FGB: variants seen among roughly 807,000 people sequenced by gnomAD.
FGB encodes fibrinogen beta chain, also known as beta-fibrinogen.
FGB carries 25 observed loss-of-function variants against 57.9 expected under a neutral mutation model. That is an observed-to-expected ratio of 0.43 (90% confidence interval 0.31 to 0.60). The LOEUF is 0.60. Among genes scored for constraint, FGB ranks in the 20% least tolerant of loss-of-function variants. The pLI, the probability that FGB is intolerant of heterozygous loss-of-function variation, is 0.08. For synonymous variants in FGB, 203 were observed against 199.2 expected (o/e 1.02, Z -0.16); for missense variants, 536 against 598.4 (o/e 0.90, Z 1.09).
Position 154,570,384 on chromosome 4 carries a change from C to T in FGB, c.1245-35C>T, listed in dbSNP as rs369092527. On this transcript the variant is annotated intron_variant, in intron 7 of 7. Coordinates refer to ENST00000302068, the MANE Select transcript of FGB (RefSeq NM_005141.5). ...AAAACGTAACTTGACCACCGTAGTT[C>T]TGTTTCTAATAACGCCAAACACATT... 29 of 1,537,060 alleles carry T rather than the reference C, an allele frequency of 1.9e-5. No homozygotes were observed. In the African/African-American group the frequency reaches 3.7e-4, roughly 19 times the overall value.
rs6058 is a variant in FGB, at chr4:154,569,192, G to T, written c.843G>T (p.Val281=). 3.8e-3 allele frequency: 6,118 copies of T among 1,614,090 alleles called. 180 individuals carry two copies. The African/African-American group carries it at 0.069, about 18-fold the overall frequency. The stretch of plus-strand genomic sequence containing the variant: ...TTCTGTCAACCAAAGGATGGACAGT[G>T]ATTCAGAACCGTCAAGACGGTAGTG... ...DMNTENGGWT[V]IQNRQDGSVD... The change falls in exon 6 of 8, where the codon GTG becomes GTT. Residue 281 remains valine, a synonymous_variant. Transcript: ENST00000302068.
chr4:154,570,683 G>A lies in FGB; in HGVS notation c.*33G>A. ...TACGTAGATTTTTGCTCTTCTGTAT[G>A]TGACAACATTTTTGTACATTATGTT... is the stretch of plus-strand genomic sequence containing the variant. On this transcript the variant is annotated 3_prime_UTR_variant, in exon 8 of 8. Transcript: ENST00000302068. 6.6e-6 allele frequency: 10 copies of A among 1,514,990 alleles called. No individual in the cohort carries two copies. The highest frequency in any genetic ancestry group is 2.3e-5 in the East Asian group (1 of 44,338). The allele number at this position is 1,514,990 out of a possible 1,614,324, so 93.8% of individuals were successfully genotyped here. A position where few individuals can be genotyped will look rare whatever the true frequency, so the allele number is the denominator to read the frequency against.
rs751143215 is a variant in FGB, at chr4:154,566,525, G to C, written c.343G>C (p.Ala115Pro). 8.7e-6 allele frequency: 14 copies of C among 1,614,114 alleles called. No individual in the cohort carries two copies. Among genetic ancestry groups the C allele is most frequent in the Non-Finnish European group, 1.2e-5 (14 of 1,180,008 alleles). The change falls in exon 3 of 8, where the codon GCT becomes CCT. Residue 115 changes from alanine to proline, a missense_variant. By Grantham distance (27) the Ala-to-Pro change is conservative. Coordinates refer to ENST00000302068, the MANE Select transcript of FGB (RefSeq NM_005141.5). ...LCPTGCQLQE[A>P]LLQQERPIRN... ...TCCTACAGGATGTCAGTTGCAAGAG[G>C]CTTTGCTACAACAGGAAAGGCCAAT...
intron 5 of FGB, among the ~76,000 whole-genome samples, chr4:154,568,846 G>C (rs1469682162): frequency 2.0e-5 from 3 of 147,500 alleles, no homozygotes; most frequent in Non-Finnish European, 3.0e-5. Flanking sequence ...AGGATAGTGA[G>C]ATCCTGTCTC....
intron 2 of FGB, among the ~76,000 whole-genome samples, chr4:154,566,280 T>A (rs1730156023): frequency 6.6e-6 from 1 of 152,228 alleles, no homozygotes; most frequent in Non-Finnish European, 1.5e-5. Flanking sequence ...AAAATTTTCA[T>A]AGCCCAATTA....
At chr4:154,564,879 T>C (rs1730091244) in intron 1 of FGB, among the ~76,000 whole-genome samples, 2 of 152,304 alleles carry the variant, frequency 1.3e-5, no homozygotes, top group Non-Finnish European at 2.9e-5. Flanking sequence ...TTAATTACAA[T>C]GCACAAGCCT....
intron 4 of FGB, among the ~76,000 whole-genome samples, 156 bp from the exon 5 acceptor site, chr4:154,568,225 G>T (rs181620233): frequency 1.1e-3 from 162 of 152,222 alleles, no homozygotes; most frequent in African/African-American, 3.6e-3. Flanking sequence ...ACTTACTAAA[G>T]TAAAATGAAA....
At position 154,572,473 on chromosome 4, in the gene FGB, C is replaced by G. The variant is rs1378737365; in HGVS notation, c.*1823C>G. Among the ~76,000 whole-genome samples, 3 of 152,170 alleles carry G rather than the reference C, an allele frequency of 2.0e-5. No individual in the cohort carries two copies. Among genetic ancestry groups the G allele is most frequent in the Non-Finnish European group, 4.4e-5 (3 of 68,028 alleles). On this transcript the variant is annotated 3_prime_UTR_variant, in exon 8 of 8. Transcript: ENST00000302068. ...TTATATAACATTTCTACTTAGCACT[C>G]TCCACTTAGCAACCTCCATTTAACC... is the stretch of plus-strand genomic sequence containing the variant.
At chr4:154,568,152 C>G (rs961435156) in intron 4 of FGB, among the ~76,000 whole-genome samples, 1 of 152,098 alleles carries the variant, frequency 6.6e-6, no homozygotes, top group Non-Finnish European at 1.5e-5. Flanking sequence ...TTCCAGGACA[C>G]AAAAGGTGGA....
intron 3 of FGB, among the ~76,000 whole-genome samples, chr4:154,567,144 G>A (rs1730194596): frequency 6.6e-6 from 1 of 152,200 alleles, no homozygotes. Flanking sequence ...ATCTCAGTGA[G>A]TAGCATACCC....
Position 154,572,038 on chromosome 4 carries a change from C to A in FGB, c.*1388C>A, listed in dbSNP as rs964986502. The stretch of plus-strand genomic sequence containing the variant: ...CCTACCGCTTTGCCATCACATTTAA[C>A]AGAAAACTCTTATCAACTTACTTCC... On this transcript the variant is annotated 3_prime_UTR_variant, in exon 8 of 8. Transcript: ENST00000302068. Among the ~76,000 whole-genome samples, 10 of 152,174 alleles carry A rather than the reference C, an allele frequency of 6.6e-5. No individual in the cohort carries two copies. The highest frequency in any genetic ancestry group is 9.7e-5 in the African/African-American group (4 of 41,428).
At position 154,571,819 on chromosome 4, in the gene FGB, G is replaced by T. The variant is rs1730440316; in HGVS notation, c.*1169G>T. 6.6e-6 allele frequency among the ~76,000 whole-genome samples: 1 copy of T among 152,114 alleles called. No individual in the cohort carries two copies. Among genetic ancestry groups the T allele is most frequent in the Non-Finnish European group, 1.5e-5 (1 of 68,024 alleles). On this transcript the variant is annotated 3_prime_UTR_variant, in exon 8 of 8. Coordinates refer to ENST00000302068, the MANE Select transcript of FGB (RefSeq NM_005141.5). The stretch of plus-strand genomic sequence containing the variant: ...TGACCCTAGGTCCTCCACCCCTAAT[G>T]TATCATCATTGCCACCCATTTTTAT...
In FGB at chr4:154,572,018, C is replaced by T. The variant is rs546078262; in HGVS notation, c.*1368C>T. Among the ~76,000 whole-genome samples, 8 of 152,148 alleles carry T rather than the reference C, an allele frequency of 5.3e-5. No homozygotes were observed. The highest frequency in any genetic ancestry group is 1.9e-4 in the African/African-American group (8 of 41,426). On this transcript the variant is annotated 3_prime_UTR_variant, in exon 8 of 8. Coordinates refer to ENST00000302068, the MANE Select transcript of FGB (RefSeq NM_005141.5). ...CCCACTGGAGCCCATACTCACCTAC[C>T]GCTTTGCCATCACATTTAACAGAAA...
In FGB at chr4:154,570,852, A is replaced by T. The variant is rs916700452; in HGVS notation, c.*202A>T. ...TTCTTCATTTCTCTTGCTCACCAAG[A>T]AGTAACAAAAGTATAGTTTTGACAG... On this transcript the variant is annotated 3_prime_UTR_variant, in exon 8 of 8. Coordinates refer to ENST00000302068, the MANE Select transcript of FGB (RefSeq NM_005141.5). The T allele has an allele frequency of 1.7e-5, 10 of 604,032 alleles. No individual in the cohort carries two copies. The African/African-American group carries it at 1.7e-4, about 10-fold the overall frequency. 37.4% of individuals were successfully genotyped at this position (604,032 alleles called of 1,614,324 possible). A position where few individuals can be genotyped will look rare whatever the true frequency, so the allele number is the denominator to read the frequency against.
chr4:154,568,286 A>G, intron 4 of FGB, 95 bp from the exon 5 acceptor site: 1 of 768,472 alleles, frequency 1.3e-6, no homozygotes. Context: ...CACACTCCTT[A>G]GTAACTTATG....
chr4:154,570,335 A>G (rs1190402711), intron 7 of FGB, 84 bp from the exon 8 acceptor site: 3 of 946,570 alleles, frequency 3.2e-6, no homozygotes, highest in Non-Finnish European at 3.4e-6. Flanking sequence ...ACACGAGTGT[A>G]GCAGTCTTTT....
chr4:154,564,399 G>A (rs1278444801), intron 1 of FGB, among the ~76,000 whole-genome samples: 1 of 151,992 alleles, frequency 6.6e-6, no homozygotes, highest in East Asian at 1.9e-4. Flanking sequence ...TTTGTAATAA[G>A]CAGATGAATC....
At chr4:154,563,161 T>G in intron 1 of FGB, 29 bp downstream of exon 1, 1 of 879,422 alleles carries the variant, frequency 1.1e-6, no homozygotes, top group Non-Finnish European at 1.8e-6. Flanking sequence ...TATTATATTA[T>G]TAGTAGTATT....
Position 154,570,626 on chromosome 4 carries a change from C to T in FGB, c.1452C>T (p.Ile484=). The T allele has an allele frequency of 6.2e-7, 1 of 1,613,870 alleles. No homozygotes were observed. The highest frequency in any genetic ancestry group is 8.5e-7 in the Non-Finnish European group (1 of 1,179,834). Residue 484 remains isoleucine (I), a synonymous_variant, in exon 8 of 8, where the codon ATC becomes ATT. Transcript: ENST00000302068. ...WYSMRKMSMK[I]RPFFPQQ is the part of the protein sequence containing the mutation. ...CAATGAGGAAGATGAGTATGAAGATCAGGCCCTTCTTCCCACAGCAATAGT... is the reference window on the plus strand; with the variant it reads ...CAATGAGGAAGATGAGTATGAAGATTAGGCCCTTCTTCCCACAGCAATAGT...
Sources: gnomAD v4.1 joint callset for allele counts (sites outside exome capture counted in the v4.1 genomes callset) on GRCh38, gnomAD v4.1.1 for gene constraint, MANE v1.5 for transcripts, NCBI Gene and HGNC (gene_info 2026-07-23, HGNC 2026-07-21) for gene names.